Variants in AMELY observed in about 807,000 individuals in gnomAD.
AMELY encodes the protein amelogenin, Y isoform.
A neutral mutation model predicts 4.2 loss-of-function variants in AMELY; 4 were observed. That is an observed-to-expected ratio of 0.96 (90% confidence interval 0.47 to 2.19). AMELY has a LOEUF of 2.19. AMELY is among the 30% of genes most tolerant of loss of function. AMELY has a pLI of 0.02. For synonymous variants in AMELY, 11 were observed against 14.7 expected (o/e 0.75, Z 0.57); for missense variants, 32 against 41.5 (o/e 0.77, Z 0.63).
intron 1 of AMELY, among the ~76,000 whole-genome samples, chrY:6,882,643 G>A (rs2054075670): frequency 1.5e-4 from 5 of 32,826 alleles, no homozygotes; most frequent in South Asian, 6.9e-4. Context: ...AGAAACAGTC[G>A]TCTGAGTGAA....
At chrY:6,906,167 T>C (rs769587873) in intron 1 of AMELY, among the ~76,000 whole-genome samples, 1 of 33,758 alleles carries the variant, frequency 3.0e-5, no homozygotes, top group East Asian at 8.0e-4. Context: ...CTGTGACTAT[T>C]AGGCTTCCCC....
chrY:6,899,455 G>C, intron 1 of AMELY, among the ~76,000 whole-genome samples: 3 of 33,159 alleles, frequency 9.0e-5, no homozygotes, highest in African/African-American at 3.5e-4. Flanking sequence ...GCCAGGTGCA[G>C]TGGCTTACGT....
chrY:6,911,475 G>T, intron 1 of AMELY, among the ~76,000 whole-genome samples, 198 bp downstream of exon 1: 3 of 34,409 alleles, frequency 8.7e-5, no homozygotes, highest in Non-Finnish European at 2.2e-4. Context: ...CGCGCAGAGC[G>T]GGGCGACCGG....
intron 1 of AMELY, among the ~76,000 whole-genome samples, chrY:6,883,893 T>C: frequency 3.1e-5 from 1 of 32,364 alleles, no homozygotes; most frequent in Non-Finnish European, 7.5e-5. Context: ...CTTGTGCAAC[T>C]TGCCATATAG....
chrY:6,871,185 G>C (rs2054067218), intron 3 of AMELY, among the ~76,000 whole-genome samples: 1 of 32,353 alleles, frequency 3.1e-5, no homozygotes, highest in South Asian at 7.3e-4. Flanking sequence ...TTGTGGGTGA[G>C]AGAGGAAGAG....
At chrY:6,885,806 G>A (rs766761187) in intron 1 of AMELY, among the ~76,000 whole-genome samples, 2 of 34,493 alleles carry the variant, frequency 5.8e-5, no homozygotes, top group Admixed American at 5.3e-4. Flanking sequence ...TCACTTATCA[G>A]TGGTAGCTAA....
intron 1 of AMELY, among the ~76,000 whole-genome samples, chrY:6,896,614 T>C: frequency 3.0e-5 from 1 of 33,364 alleles, no homozygotes; most frequent in Admixed American, 2.8e-4. Flanking sequence ...GGTGGGAGGA[T>C]TGCTTAAGCC....
At chrY:6,872,751 T>G (rs2054069381) in intron 2 of AMELY, 131 bp from the exon 3 acceptor site, 2 of 147,514 alleles carry the variant, frequency 1.4e-5, no homozygotes, top group East Asian at 1.2e-4. Context: ...TTAATTTTTC[T>G]TATTTGATTT....
intron 1 of AMELY, among the ~76,000 whole-genome samples, chrY:6,895,237 G>A (rs2124084336): frequency 3.0e-5 from 1 of 33,709 alleles, no homozygotes; most frequent in Admixed American, 2.7e-4. Context: ...ACACAAGTGA[G>A]GAATGTAATA....
intron 1 of AMELY, among the ~76,000 whole-genome samples, chrY:6,885,824 G>C (rs752069037): frequency 1.5e-4 from 5 of 34,313 alleles, no homozygotes; most frequent in Non-Finnish European, 2.9e-4. Flanking sequence ...TAAATATTTA[G>C]TACACATGAA....
intron 1 of AMELY, among the ~76,000 whole-genome samples, chrY:6,883,516 C>T: frequency 3.1e-5 from 1 of 32,298 alleles, no homozygotes; most frequent in Non-Finnish European, 7.5e-5. Flanking sequence ...GTGCAAAAAA[C>T]CATCGTGACA....
chrY:6,878,334 C>T (rs2054072908), intron 1 of AMELY, among the ~76,000 whole-genome samples: 2 of 33,002 alleles, frequency 6.1e-5, no homozygotes, highest in Non-Finnish European at 1.5e-4. Context: ...GACCACACAA[C>T]AATGATACAT....
At chrY:6,901,380 A>G (rs2054089427) in intron 1 of AMELY, 1 of 36,687 alleles carries the variant, frequency 2.7e-5, no homozygotes, top group Non-Finnish European at 7.1e-5. Context: ...TGAAGAGATA[A>G]AGTAAAATTA....
chrY:6,872,434 G>A, intron 3 of AMELY, 121 bp downstream of exon 3: 1 of 196,964 alleles, frequency 5.1e-6, no homozygotes, highest in Non-Finnish European at 8.7e-6. Flanking sequence ...CTTCAGCACA[G>A]ATGTTTTGGG....
intron 1 of AMELY, among the ~76,000 whole-genome samples, chrY:6,876,581 G>C (rs112373157): frequency 8.5e-3 from 285 of 33,423 alleles, no homozygotes; most frequent in African/African-American, 0.031. Context: ...TCTTCTGCAA[G>C]AGTGTTATTG....
At chrY:6,879,358 C>T (rs2054073700) in intron 1 of AMELY, among the ~76,000 whole-genome samples, 1 of 33,474 alleles carries the variant, frequency 3.0e-5, no homozygotes, top group Non-Finnish European at 7.4e-5. Flanking sequence ...TATCCTTTGC[C>T]CACTTTTTGA....
At chrY:6,879,322 G>T (rs2054073667) in intron 1 of AMELY, among the ~76,000 whole-genome samples, 1 of 33,819 alleles carries the variant, frequency 3.0e-5, no homozygotes, top group African/African-American at 1.2e-4. Flanking sequence ...CTGCATAAAT[G>T]TCTTATTTTG....
At chrY:6,890,694 C>A in intron 1 of AMELY, among the ~76,000 whole-genome samples, 1 of 33,631 alleles carries the variant, frequency 3.0e-5, no homozygotes, top group Non-Finnish European at 7.3e-5. Flanking sequence ...TGTATTTTTG[C>A]AGCTATTAAT....
chrY:6,888,812 G>A (rs2054081427), intron 1 of AMELY, among the ~76,000 whole-genome samples: 1 of 19,097 alleles, frequency 5.2e-5, no homozygotes, highest in Non-Finnish European at 1.0e-4. Flanking sequence ...AGGTTGCAGT[G>A]AGCTGAGGTA....
Sources: allele counts gnomAD v4.1 joint callset (sites outside exome capture counted in the v4.1 genomes callset), GRCh38; gene constraint gnomAD v4.1.1; transcripts MANE v1.5; gene names NCBI Gene and HGNC (gene_info 2026-07-23, HGNC 2026-07-21).